The following ATG2B variants were observed in gnomAD, a reference collection of about 807,000 sequenced individuals.
The protein encoded by ATG2B is autophagy related 2B, also known as autophagy-related protein 2 homolog B.
A neutral mutation model predicts 241.3 loss-of-function variants in ATG2B; 121 were observed. That is an observed-to-expected ratio of 0.50 (90% confidence interval 0.43 to 0.58). ATG2B has a LOEUF of 0.58. Among genes scored for constraint, ATG2B ranks in the 20% least tolerant of loss-of-function variants. ATG2B has a pLI of 0.00. For synonymous variants in ATG2B, 858 were observed against 876.6 expected, an observed-to-expected ratio of 0.98 and a Z score of 0.37; for missense variants, 2,306 against 2,491.6, an observed-to-expected ratio of 0.93 and a Z score of 1.59.
rs771019448 is a variant in ATG2B at position 96,317,797 on chromosome 14, C to T, written c.2938G>A (p.Glu980Lys). 2.0e-5 allele frequency: 33 copies of T among 1,612,470 alleles called. No individual in the cohort carries two copies. The highest frequency in any genetic ancestry group is 2.5e-5 in the Non-Finnish European group (30 of 1,178,936). The change falls in exon 19 of 42, where the codon GAG becomes AAG. Residue 980 changes from glutamate (E) to lysine (K), a missense_variant. Around this residue, in one of 2 missense-constraint regions of ATG2B, gnomAD observed 1,927 missense variants for 2,011.2 expected, o/e 0.96. Transcript: ENST00000359933. ...PTAPSPVETFENISYGIGLSV... is the reference protein window; with the variant it reads ...PTAPSPVETFKNISYGIGLSV... The stretch of plus-strand genomic sequence containing the variant: ...AGCCCAATGCCATAGGAAATATTCT[C>T]GAATGTCTCCACTGGTGAAGGAGCT...
chr14:96,361,989 T>C (rs921586285), intron 1 of ATG2B, among the ~76,000 whole-genome samples: 2 of 152,088 alleles, frequency 1.3e-5, no homozygotes, highest in Admixed American at 6.5e-5. Flanking sequence ...GAATATACTT[T>C]AAGTAAAATG....
intron 1 of ATG2B, among the ~76,000 whole-genome samples, chr14:96,362,536 T>C (rs1243638633): frequency 6.6e-6 from 1 of 152,172 alleles, no homozygotes; most frequent in African/African-American, 2.4e-5. Flanking sequence ...CACGGACCTA[T>C]TGAGCCTGCT....
chr14:96,308,249 TATACACAC>T lies in ATG2B; in HGVS notation c.4303+1196_4303+1203del, dbSNP rs1427282639. Among the ~76,000 whole-genome samples, 5 of 15,448 alleles carry T rather than the reference TATACACAC, an allele frequency of 3.2e-4. 1 individual carries two copies. The highest frequency in any genetic ancestry group is 1.9e-3 in the Admixed American group (2 of 1,072). The allele number at this position is 15,448 out of a possible 152,430, so 10.1% of individuals were successfully genotyped here. ...ATATATACATATATATATATATATA[TATACACAC>T]ATATATATATATATATATATATATA... On this transcript the variant is annotated intron_variant, in intron 29 of 41. Coordinates refer to ENST00000359933, the MANE Select transcript of ATG2B (RefSeq NM_018036.7).
chr14:96,280,109 C>T lies in ATG2B; in HGVS notation c.*5646G>A, dbSNP rs996993228. The T allele has an allele frequency of 6.6e-6, 1 of 152,294 alleles. No individual in the cohort carries two copies. The highest frequency in any genetic ancestry group is 1.5e-5 in the Non-Finnish European group (1 of 68,106). 9.4% of individuals were successfully genotyped at this position (152,294 alleles called of 1,614,324 possible). ...ACTGAACCGCTGGGGTGGCTAAGCA[C>T]AGCCAGAAGAGGGGAGAGGGGCTGG... On this transcript the variant is annotated 3_prime_UTR_variant, in exon 42 of 42. Coordinates refer to ENST00000359933, the MANE Select transcript of ATG2B (RefSeq NM_018036.7).
intron 29 of ATG2B, among the ~76,000 whole-genome samples, chr14:96,309,133 T>C (rs1026401756): frequency 3.3e-5 from 5 of 152,318 alleles, no homozygotes; most frequent in Middle Eastern, 3.4e-3. Flanking sequence ...GTAGAGGATA[T>C]ACCACAGTTG....
rs535376062 is a variant in ATG2B at position 96,296,739 on chromosome 14, C to T, written c.5140-1179G>A. 1.2e-4 allele frequency among the ~76,000 whole-genome samples: 17 copies of T among 147,418 alleles called. No homozygotes were observed. In the South Asian group the frequency reaches 2.6e-3, roughly 22 times the overall value. On this transcript the variant is annotated intron_variant, in intron 34 of 41. Coordinates refer to ENST00000359933, the MANE Select transcript of ATG2B (RefSeq NM_018036.7). ...TCACGCCATTGCACTCCAGCCCAGG[C>T]GACAGTGCGAGACACTGTCTCAAAA...
At chr14:96,303,342 CT>C in intron 32 of ATG2B, 87 bp from the exon 33 acceptor site, 4 of 1,089,228 alleles carry the variant, frequency 3.7e-6, no homozygotes, top group Non-Finnish European at 5.0e-6. Flanking sequence ...CAAAATATCA[CT>C]CATTTTTCCT....
Position 96,295,467 on chromosome 14 carries a change from A to G in ATG2B, c.5218+15T>C. 2 of 1,544,794 alleles carry G rather than the reference A, an allele frequency of 1.3e-6. No individual in the cohort carries two copies. Among genetic ancestry groups the G allele is most frequent in the Admixed American group, 2.0e-5 (1 of 49,628 alleles). ...AGTACTTGGTATAGTCTTTTCAACT[A>G]TACATATTTAATACCTTCTGGATCT... On this transcript the variant is annotated intron_variant, in intron 35 of 41. Coordinates refer to ENST00000359933, the MANE Select transcript of ATG2B (RefSeq NM_018036.7).
At chr14:96,351,684 C>T (rs796760092) in intron 1 of ATG2B, among the ~76,000 whole-genome samples, 11 of 150,802 alleles carry the variant, frequency 7.3e-5, no homozygotes, top group African/African-American at 2.7e-4. Context: ...TACCGTGAGC[C>T]GAAATCGCGC....
intron 29 of ATG2B, 96 bp downstream of exon 29, chr14:96,309,357 C>G: frequency 1.3e-5 from 18 of 1,411,096 alleles, no homozygotes; most frequent in Non-Finnish European, 1.6e-5. Flanking sequence ...AACTCATATG[C>G]GTCTTTAATA....
chr14:96,332,613 T>C lies in ATG2B; in HGVS notation c.1250A>G (p.His417Arg), dbSNP rs993581255. ...FFSMADMDMS[H>R]SLSSLPPLGD... Reference sequence around the variant, plus strand: ...AAGGGGTGGAAGAGAAGAGAGACTATGAGACATGTCCATATCAGCCATGGA... The same window carrying C: ...AAGGGGTGGAAGAGAAGAGAGACTACGAGACATGTCCATATCAGCCATGGA... The change falls in exon 9 of 42, where the codon CAT becomes CGT. Residue 417 changes from histidine to arginine, a missense_variant. Physicochemically the swap from His to Arg is conservative, Grantham distance 29. Coordinates refer to ENST00000359933, the MANE Select transcript of ATG2B (RefSeq NM_018036.7). 6.2e-6 allele frequency: 10 copies of C among 1,602,384 alleles called. No individual in the cohort carries two copies. The highest frequency in any genetic ancestry group is 4.1e-5 in the African/African-American group (3 of 74,068).
In ATG2B at chr14:96,313,428, T is replaced by C. The variant is rs759593249; in HGVS notation, c.3650A>G (p.Tyr1217Cys). The C allele has an allele frequency of 6.5e-7, 1 of 1,537,712 alleles. No individual in the cohort carries two copies. Among genetic ancestry groups the C allele is most frequent in the Middle Eastern group, 1.8e-4 (1 of 5,676 alleles). Residue 1217 changes from tyrosine to cysteine, a missense_variant, in exon 24 of 42, where the codon TAC becomes TGC. Physicochemically the swap from Tyr to Cys is radical, Grantham distance 194. Around this residue, in one of 2 missense-constraint regions of ATG2B, gnomAD observed 1,927 missense variants for 2,011.2 expected, o/e 0.96. Coordinates refer to ENST00000359933, the MANE Select transcript of ATG2B (RefSeq NM_018036.7). ...AGGTTCATCAGCAATATTCAAGAAG[T>C]ATAAAATCTATAATCACAAAAAATT... is the stretch of plus-strand genomic sequence containing the variant. Reference protein sequence around the residue: ...SGLSWHEQILYFLNIADEPVL... With the variant: ...SGLSWHEQILCFLNIADEPVL...
At position 96,294,749 on chromosome 14, in the gene ATG2B, G is replaced by C. The variant is rs1889378; in HGVS notation, c.5426+211C>G. Reference sequence around the variant, plus strand: ...AAAAGGAAATTCCTGCCAGAGAATTGAAAGAGAGACGAATTTGGAACCAGG... The same window carrying C: ...AAAAGGAAATTCCTGCCAGAGAATTCAAAGAGAGACGAATTTGGAACCAGG... On this transcript the variant is annotated intron_variant, in intron 36 of 41. Coordinates refer to ENST00000359933, the MANE Select transcript of ATG2B (RefSeq NM_018036.7). Among the ~76,000 whole-genome samples, 117,765 of 152,090 alleles carry C rather than the reference G, an allele frequency of 0.77. 46,179 individuals carry two copies. The highest frequency in any genetic ancestry group is 0.9 in the African/African-American group (37,247 of 41,510).
rs559352623 is a variant in ATG2B, at chr14:96,361,318, T to C, written c.162+1497A>G. Among the ~76,000 whole-genome samples the C allele has an allele frequency of 7.9e-5, 12 of 152,340 alleles. No individual in the cohort carries two copies. The South Asian group carries it at 1.0e-3, about 13-fold the overall frequency. On this transcript the variant is annotated intron_variant, in intron 1 of 41. Transcript: ENST00000359933. ...TCAATAAACATTAACTGCCTTTCTT[T>C]TGATCTTAGGCCATGTGATGTAATA... is the stretch of plus-strand genomic sequence containing the variant.
chr14:96,345,279 G>A lies in ATG2B; in HGVS notation c.432C>T (p.Ser144=), dbSNP rs771190105. The change falls in exon 3 of 42, where the codon TCC becomes TCT. Residue 144 remains serine (S), a synonymous_variant. Coordinates refer to ENST00000359933, the MANE Select transcript of ATG2B (RefSeq NM_018036.7). ...QKLTDEQGEG[S]QPFEGLEKFA... is the part of the protein sequence containing the mutation. ...ACTTTTCAAGTCCTTCAAAAGGCTG[G>A]GATCCTTCTCCTTGTTCATCTGTTA... The A allele has an allele frequency of 6.2e-7, 1 of 1,613,084 alleles. No homozygotes were observed. The highest frequency in any genetic ancestry group is 1.3e-5 in the African/African-American group (1 of 74,840).
In ATG2B at chr14:96,290,583, G is replaced by A. The variant is rs758374879; in HGVS notation, c.5709C>T (p.Gly1903=). The part of the protein sequence containing the change: ...PMHSLVQLVQ[G]LKDLVWLPIE... The stretch of plus-strand genomic sequence containing the variant: ...TTGGGAGCCAGACCAAGTCCTTTAG[G>A]CCTTGTACTACAACAGTCAACACAA... The change falls in exon 40 of 42, where the codon GGC becomes GGT. Residue 1903 remains glycine, a synonymous_variant. Coordinates refer to ENST00000359933, the MANE Select transcript of ATG2B (RefSeq NM_018036.7). This position sits in a 1 kb window ranked among gnomAD's most constrained non-coding sequence, Gnocchi z 4.4. 2 of 1,614,072 alleles carry A rather than the reference G, an allele frequency of 1.2e-6. No homozygotes were observed. Among genetic ancestry groups the A allele is most frequent in the Non-Finnish European group, 1.7e-6 (2 of 1,179,988 alleles).
At chr14:96,313,566 A>C in intron 23 of ATG2B, 131 bp from the exon 24 acceptor site, 1 of 522,748 alleles carries the variant, frequency 1.9e-6, no homozygotes, top group Non-Finnish European at 3.4e-6. Context: ...TAACGGTAAA[A>C]GGAAAAAAAT....
chr14:96,338,642 A>C (rs1387269618), intron 6 of ATG2B, among the ~76,000 whole-genome samples: 2 of 152,200 alleles, frequency 1.3e-5, no homozygotes. Context: ...AATCAACTCA[A>C]GATGGACCAA....
At chr14:96,362,149 C>A (rs1888653414) in intron 1 of ATG2B, among the ~76,000 whole-genome samples, 2 of 152,088 alleles carry the variant, frequency 1.3e-5, no homozygotes, top group South Asian at 4.1e-4. Flanking sequence ...AACTTCAGCG[C>A]TTTTGCAACA....
Sources: gnomAD v4.1 joint callset for allele counts (sites outside exome capture counted in the v4.1 genomes callset) on GRCh38, gnomAD v4.1.1 for gene constraint, gnomAD v4.1.1 regional missense constraint, Gnocchi (gnomAD v3.1) non-coding constraint, MANE v1.5 for transcripts, NCBI Gene and HGNC (gene_info 2026-07-23, HGNC 2026-07-21) for gene names.